UTRN: variants seen among roughly 807,000 people sequenced by gnomAD.
The protein encoded by UTRN is utrophin.
A neutral mutation model predicts 463.9 loss-of-function variants in UTRN; 283 were observed. The ratio of observed to expected loss-of-function variants is 0.61; its 90% CI spans 0.55 to 0.67. UTRN has a LOEUF of 0.67. UTRN is among the 30% of genes least tolerant of loss of function. UTRN has a pLI of 0.00. For missense variants in UTRN, 3,922 were observed against 4,084.3 expected (o/e 0.96, Z 1.08); for synonymous variants, 1,442 against 1,431.5 (o/e 1.01, Z -0.17).
At chr6:144,627,807 T>C (rs935468170) in intron 51 of UTRN, among the ~76,000 whole-genome samples, 1 of 149,286 alleles carries the variant, frequency 6.7e-6, no homozygotes. Context: ...TTTTTTTTTT[T>C]TTTTTTTTTT....
chr6:144,655,744 G>C (rs1779252457), intron 51 of UTRN, among the ~76,000 whole-genome samples: 1 of 152,096 alleles, frequency 6.6e-6, no homozygotes, highest in Admixed American at 6.6e-5. Context: ...TAGTGGGAAG[G>C]GTGCCTTAAG....
chr6:144,823,016 T>G (rs1779734980), intron 66 of UTRN, among the ~76,000 whole-genome samples: 1 of 152,154 alleles, frequency 6.6e-6, no homozygotes, highest in African/African-American at 2.4e-5. Context: ...AATGTCAAAA[T>G]AATCATTGGT....
At chr6:144,394,278 A>G (rs1366630843) in intron 2 of UTRN, among the ~76,000 whole-genome samples, 1 of 152,170 alleles carries the variant, frequency 6.6e-6, no homozygotes, top group Non-Finnish European at 1.5e-5. Context: ...ATAAAGAAAA[A>G]GAGGTATAAC....
intron 63 of UTRN, among the ~76,000 whole-genome samples, chr6:144,796,921 A>G (rs1777270291): frequency 6.6e-6 from 1 of 152,230 alleles, no homozygotes; most frequent in African/African-American, 2.4e-5. Flanking sequence ...CTCAACAGCA[A>G]CAGGAGGATA....
intron 34 of UTRN, among the ~76,000 whole-genome samples, chr6:144,508,363 C>G (rs1448707839): frequency 6.6e-6 from 1 of 152,180 alleles, no homozygotes; most frequent in African/African-American, 2.4e-5. Flanking sequence ...GCTTGAAACC[C>G]AGGGCCCTGG....
At chr6:144,529,412 A>C (rs1180144008) in intron 41 of UTRN, among the ~76,000 whole-genome samples, 1 of 152,134 alleles carries the variant, frequency 6.6e-6, no homozygotes, top group Non-Finnish European at 1.5e-5. Flanking sequence ...ATGTGTCTGC[A>C]CATGCTGCTG....
At chr6:144,625,014 T>C (rs1033943021) in intron 51 of UTRN, among the ~76,000 whole-genome samples, 1 of 152,184 alleles carries the variant, frequency 6.6e-6, no homozygotes, top group East Asian at 1.9e-4. Context: ...CTTCTGAAAT[T>C]CCATTTCACT....
At chr6:144,465,113 G>C (rs1301060247) in intron 23 of UTRN, among the ~76,000 whole-genome samples, 1 of 152,184 alleles carries the variant, frequency 6.6e-6, no homozygotes, top group African/African-American at 2.4e-5. Flanking sequence ...AATGTCACTA[G>C]TGCCAAAGTT....
chr6:144,666,429 T>C (rs1038466355), intron 51 of UTRN, among the ~76,000 whole-genome samples: 6 of 152,200 alleles, frequency 3.9e-5, no homozygotes, highest in African/African-American at 9.7e-5. Flanking sequence ...CCTAGCACTA[T>C]AGTGGCCAAT....
At chr6:144,408,264 CTT>C (rs1356891053) in intron 3 of UTRN, among the ~76,000 whole-genome samples, 1 of 152,224 alleles carries the variant, frequency 6.6e-6, no homozygotes, top group Non-Finnish European at 1.5e-5. Flanking sequence ...GTGTGTATGA[CTT>C]GAGTGTTTTG....
intron 2 of UTRN, among the ~76,000 whole-genome samples, chr6:144,382,515 C>A (rs530230062): frequency 6.6e-6 from 1 of 152,260 alleles, no homozygotes; most frequent in South Asian, 2.1e-4. Context: ...TCTTTTTGAC[C>A]ATGATGACAG....
chr6:144,829,583 A>G (rs533903313), intron 69 of UTRN, among the ~76,000 whole-genome samples: 1 of 152,060 alleles, frequency 6.6e-6, no homozygotes, highest in East Asian at 1.9e-4. Flanking sequence ...TTAATCCTGA[A>G]TAATATCTAA....
intron 14 of UTRN, among the ~76,000 whole-genome samples, chr6:144,446,071 A>C (rs989955331): frequency 6.6e-6 from 1 of 152,194 alleles, no homozygotes; most frequent in Non-Finnish European, 1.5e-5. Flanking sequence ...GCAGTAGAAG[A>C]CATCGATTGC....
intron 42 of UTRN, 72 bp from the exon 43 acceptor site, chr6:144,533,013 C>T (rs1797202046): frequency 2.6e-6 from 2 of 780,508 alleles, no homozygotes; most frequent in South Asian, 1.9e-5. Flanking sequence ...TACCACAATA[C>T]TTGGGTGGAT....
chr6:144,748,304 T>C lies in UTRN; in HGVS notation c.7998T>C (p.Ser2666=), dbSNP rs114124062. 1.2e-6 allele frequency: 2 copies of C among 1,613,326 alleles called. No homozygotes were observed. The highest frequency in any genetic ancestry group is 2.2e-5 in the East Asian group (1 of 44,782). Reference sequence around the variant, plus strand: ...CCAAAGCCATGCGCAAACAGTCTTCTGAAGTCAAAGAAAAATGGGAAAGTC... The same window carrying C: ...CCAAAGCCATGCGCAAACAGTCTTCCGAAGTCAAAGAAAAATGGGAAAGTC... ...KIAKAMRKQS[S]EVKEKWESLN... Residue 2666 remains serine (S), a synonymous_variant, in exon 55 of 75, where the codon TCT becomes TCC. Coordinates refer to ENST00000367545, the MANE Select transcript of UTRN (RefSeq NM_007124.3).
At chr6:144,617,249 G>A (rs538246867) in intron 51 of UTRN, among the ~76,000 whole-genome samples, 12 of 152,260 alleles carry the variant, frequency 7.9e-5, no homozygotes, top group African/African-American at 2.9e-4. Context: ...TGAGCAAAAA[G>A]AGAAGCATTC....
chr6:144,513,684 G>A (rs1795368315), intron 35 of UTRN, among the ~76,000 whole-genome samples: 1 of 152,170 alleles, frequency 6.6e-6, no homozygotes, highest in Non-Finnish European at 1.5e-5. Flanking sequence ...TTTTTATTGT[G>A]CTGAGGTCTA....
intron 65 of UTRN, 52 bp from the exon 66 acceptor site, chr6:144,820,830 G>T: frequency 1.3e-6 from 2 of 1,577,012 alleles, no homozygotes; most frequent in Non-Finnish European, 8.6e-7. Flanking sequence ...GTTATAGATA[G>T]TTATTGCCTT....
intron 7 of UTRN, among the ~76,000 whole-genome samples, chr6:144,427,720 A>G (rs1319193215): frequency 6.6e-6 from 1 of 152,226 alleles, no homozygotes; most frequent in East Asian, 1.9e-4. Flanking sequence ...AAGGGATTTT[A>G]TCAAGAAACT....
Sources: allele counts gnomAD v4.1 joint callset (sites outside exome capture counted in the v4.1 genomes callset), GRCh38; gene constraint gnomAD v4.1.1; transcripts MANE v1.5; gene names NCBI Gene and HGNC (gene_info 2026-07-23, HGNC 2026-07-21).